STPG3: variants seen among roughly 807,000 people sequenced by gnomAD.
STPG3 encodes the protein sperm-tail PG-rich repeat containing 3.
Under a neutral mutation model 32.5 loss-of-function variants are expected in STPG3, and 39 were observed. That is an observed-to-expected ratio of 1.20 (90% confidence interval 0.93 to 1.57). The LOEUF (loss-of-function observed/expected upper bound fraction) is 1.57. Ranked by LOEUF, STPG3 falls within the 40% of genes most tolerant of loss-of-function variation. STPG3 has a pLI of 0.00. For synonymous variants in STPG3, 209 were observed against 172.4 expected, an observed-to-expected ratio of 1.21 and a Z score of -1.66; for missense variants, 507 against 407.6, an observed-to-expected ratio of 1.24 and a Z score of -2.10.
At chr9:137,253,024 C>T (rs913923788) in intron 5 of STPG3, 59 bp downstream of exon 5, 32 of 1,538,964 alleles carry the variant, frequency 2.1e-5, no homozygotes, top group Non-Finnish European at 2.8e-5. Context: ...AATGTGAGGA[C>T]AAGGGTTCAG....
chr9:137,253,323 C>T lies in STPG3; in HGVS notation c.*78C>T, dbSNP rs753139810. ...CCCCCGGGGCTTTCCCAGGCCTCCC[C>T]TGGGACTTGGGGCCCCAGCCTGGCC... is the stretch of plus-strand genomic sequence containing the variant. On this transcript the variant is annotated 3_prime_UTR_variant, in exon 6 of 6. Transcript: ENST00000412566. The T allele has an allele frequency of 4.5e-6, 7 of 1,552,174 alleles. No individual in the cohort carries two copies. Among genetic ancestry groups the T allele is most frequent in the East Asian group, 2.4e-5 (1 of 41,198 alleles).
chr9:137,253,017 G>C, intron 5 of STPG3, 52 bp downstream of exon 5: 2 of 1,544,086 alleles, frequency 1.3e-6, no homozygotes, highest in Non-Finnish European at 1.8e-6. Flanking sequence ...GGTGGGCAAT[G>C]TGAGGACAAG....
Position 137,252,496 on chromosome 9 carries a change from C to T in STPG3, c.463C>T (p.Gln155Ter), listed in dbSNP as rs917080516. The change falls in exon 4 of 6, where the codon CAG becomes TAG. Residue 155 changes from glutamine (Q) to a stop codon, truncating the protein, a stop_gained. Transcript: ENST00000412566. LOFTEE classifies it high-confidence loss of function. ...LWFQSESPFT[Q>*]KADFDQEQKW... ...GTTCCAGAGCGAAAGCCCCTTCACG[C>T]AGAAAGCTGACTTCGACCAAGAGCA... 1.2e-6 allele frequency: 2 copies of T among 1,600,380 alleles called. No homozygotes were observed. Among genetic ancestry groups the T allele is most frequent in the Non-Finnish European group, 1.7e-6 (2 of 1,175,652 alleles).
rs776988490 is a variant in STPG3 at position 137,251,885 on chromosome 9, G to C, written c.258G>C (p.Leu86=). 2.5e-6 allele frequency: 4 copies of C among 1,607,920 alleles called. No individual in the cohort carries two copies. The highest frequency in any genetic ancestry group is 1.7e-5 in the Admixed American group (1 of 59,186). The change falls in exon 2 of 6, where the codon CTG becomes CTC. Residue 86 remains leucine (L), a synonymous_variant. Coordinates refer to ENST00000412566, the MANE Select transcript of STPG3 (RefSeq NM_001004353.4). ...CCCTGCCCACCTACACCCAGACCCT[G>C]AGGGAACTATGTGAGTGAGGGTCCT... The part of the protein sequence containing the change: ...QESLPTYTQT[L]RELLLEQRPL...
rs752952394 is a variant in STPG3 at position 137,252,980 on chromosome 9, A to T, written c.796+15A>T. 1.9e-6 allele frequency: 3 copies of T among 1,584,146 alleles called. No individual in the cohort carries two copies. In the South Asian group the frequency reaches 3.4e-5, roughly 18 times the overall value. On this transcript the variant is annotated intron_variant, in intron 5 of 5. Coordinates refer to ENST00000412566, the MANE Select transcript of STPG3 (RefSeq NM_001004353.4). The stretch of plus-strand genomic sequence containing the variant: ...GCTCAGCACCTGTAAGGAGGCCTGG[A>T]GAGAAGAGGGCTAGGGATGGGGCAT...
chr9:137,251,441 G>A lies in STPG3; in HGVS notation c.110+45G>A, dbSNP rs771756380. On this transcript the variant is annotated intron_variant, in intron 1 of 5. Transcript: ENST00000412566. ...AGAAGGGGCGGGCCAGCTGGGAGTG[G>A]CCAGGGGGCTGAGGGACAGTGTGGG... is the stretch of plus-strand genomic sequence containing the variant. 15 of 1,451,012 alleles carry A rather than the reference G, an allele frequency of 1.0e-5. No homozygotes were observed. The East Asian group carries it at 2.9e-4, about 29-fold the overall frequency. The allele number at this position is 1,451,012 out of a possible 1,614,324, so 89.9% of individuals were successfully genotyped here. A position where few individuals can be genotyped will look rare whatever the true frequency, so the allele number is the denominator to read the frequency against.
chr9:137,253,283 G>A lies in STPG3; in HGVS notation c.*38G>A. On this transcript the variant is annotated 3_prime_UTR_variant, in exon 6 of 6. Transcript: ENST00000412566. ...ACAACCTGCTTGGCCCGGCCACCGA[G>A]TGGAACCATGGCCTCCCCCGGGGCT... 6.3e-7 allele frequency: 1 copy of A among 1,583,552 alleles called. No individual in the cohort carries two copies. The highest frequency in any genetic ancestry group is 8.6e-7 in the Non-Finnish European group (1 of 1,165,862).
At chr9:137,252,165 C>T (rs780404409) in intron 3 of STPG3, 30 bp downstream of exon 3, 1 of 1,587,018 alleles carries the variant, frequency 6.3e-7, no homozygotes, top group East Asian at 2.2e-5. Context: ...GGCCCAACCA[C>T]CGGGCCTGTC....
Position 137,252,477 on chromosome 9 carries a change from G to A in STPG3, c.444G>A (p.Gln148=). The A allele has an allele frequency of 6.2e-7, 1 of 1,610,956 alleles. No individual in the cohort carries two copies. Among genetic ancestry groups the A allele is most frequent in the Non-Finnish European group, 8.5e-7 (1 of 1,178,828 alleles). The change falls in exon 4 of 6, where the codon CAG becomes CAA. Residue 148 remains glutamine (Q), a synonymous_variant. Transcript: ENST00000412566. ...GRRAWQTLWF[Q]SESPFTQKAD... is the part of the protein sequence containing the mutation. The stretch of plus-strand genomic sequence containing the variant: ...GGGCATGGCAGACTTTGTGGTTCCA[G>A]AGCGAAAGCCCCTTCACGCAGAAAG...
Position 137,252,054 on chromosome 9 carries a change from A to T in STPG3, c.322A>T (p.Arg108Trp). The change falls in exon 3 of 6, where the codon AGG becomes TGG. Residue 108 changes from arginine to tryptophan, a missense_variant. Transcript: ENST00000412566. ...TGACCTGGAAGTCCCCAGCCCCACC[A>T]GGTACCAGGTGCCGAGCCCGTCCGT... ...TADLEVPSPT[R>W]YQVPSPSVRE... 7 of 1,612,986 alleles carry T rather than the reference A, an allele frequency of 4.3e-6. No individual in the cohort carries two copies. Among genetic ancestry groups the T allele is most frequent in the Non-Finnish European group, 5.9e-6 (7 of 1,179,718 alleles).
At chr9:137,252,229 A>G in intron 3 of STPG3, 94 bp downstream of exon 3, 2 of 1,506,122 alleles carry the variant, frequency 1.3e-6, no homozygotes, top group Non-Finnish European at 1.8e-6. Context: ...CCACGGCCTG[A>G]GGGCCCCTCC....
In STPG3 at chr9:137,252,736, C is replaced by G. The variant is rs749365342; in HGVS notation, c.567C>G (p.Ser189=). ...CCTTCAGCTTCAGAGGCTGCCACTCCGCTTCCAAGACACCTGAAGGCCACA... is the reference window on the plus strand; with the variant it reads ...CCTTCAGCTTCAGAGGCTGCCACTCGGCTTCCAAGACACCTGAAGGCCACA... The part of the protein sequence containing the change: ...FPAFSFRGCH[S]ASKTPEGHTH... The change falls in exon 5 of 6, where the codon TCC becomes TCG. Residue 189 remains serine (S), a synonymous_variant. Coordinates refer to ENST00000412566, the MANE Select transcript of STPG3 (RefSeq NM_001004353.4). 13 of 1,555,316 alleles carry G rather than the reference C, an allele frequency of 8.4e-6. No homozygotes were observed. The Admixed American group carries it at 2.3e-4, about 28-fold the overall frequency.
intron 2 of STPG3, 46 bp from the exon 3 acceptor site, chr9:137,251,955 G>T (rs1356465304): frequency 6.3e-7 from 1 of 1,597,000 alleles, no homozygotes; most frequent in African/African-American, 1.3e-5. Context: ...TGTGGGAGGG[G>T]CCCGCTGAAA....
chr9:137,252,452 G>C lies in STPG3; in HGVS notation c.419G>C (p.Arg140Thr). 6.2e-7 allele frequency: 1 copy of C among 1,611,052 alleles called. No individual in the cohort carries two copies. The highest frequency in any genetic ancestry group is 8.5e-7 in the Non-Finnish European group (1 of 1,178,810). Residue 140 changes from arginine (R) to threonine (T), a missense_variant, in exon 4 of 6, where the codon AGG becomes ACG. By Grantham distance (71) the Arg-to-Thr change is moderately conservative (BLOSUM62 -1). Coordinates refer to ENST00000412566, the MANE Select transcript of STPG3 (RefSeq NM_001004353.4). Reference sequence around the variant, plus strand: ...CCAACTACAGAGGGCGGTGGCCGCAGGGCATGGCAGACTTTGTGGTTCCAG... The same window carrying C: ...CCAACTACAGAGGGCGGTGGCCGCACGGCATGGCAGACTTTGTGGTTCCAG... ...KHQGREGGGR[R>T]AWQTLWFQSE...
intron 2 of STPG3, 34 bp downstream of exon 2, chr9:137,251,929 C>A (rs781070039): frequency 5.6e-6 from 9 of 1,599,046 alleles, no homozygotes; most frequent in Non-Finnish European, 6.8e-6. Context: ...CACCCCCAAG[C>A]TGGTCTTTGG....
rs1287579364 is a variant in STPG3, at chr9:137,252,701, G to A, written c.532G>A (p.Ala178Thr). ...PAHYQLLSRP[A>T]FPAFSFRGCH... The stretch of plus-strand genomic sequence containing the variant: ...CCACTACCAGCTGCTCAGCCGGCCC[G>A]CCTTCCCCGCCTTCAGCTTCAGAGG... Residue 178 changes from alanine to threonine, a missense_variant, in exon 5 of 6, where the codon GCC becomes ACC. Transcript: ENST00000412566. 2 of 1,551,780 alleles carry A rather than the reference G, an allele frequency of 1.3e-6. No homozygotes were observed. The highest frequency in any genetic ancestry group is 8.7e-7 in the Non-Finnish European group (1 of 1,147,992).
chr9:137,253,385 C>A lies in STPG3; in HGVS notation c.*140C>A. ...TGGGCACCCCGATGCACCCTTCTGG[C>A]TGGCCAACCCTTCTATGGGCTGTGG... On this transcript the variant is annotated 3_prime_UTR_variant, in exon 6 of 6. Coordinates refer to ENST00000412566, the MANE Select transcript of STPG3 (RefSeq NM_001004353.4). 6.6e-7 allele frequency: 1 copy of A among 1,509,750 alleles called. No individual in the cohort carries two copies. The highest frequency in any genetic ancestry group is 2.1e-5 in the Admixed American group (1 of 47,874). The allele number at this position is 1,509,750 out of a possible 1,614,324, so 93.5% of individuals were successfully genotyped here.
rs1388567610 is a variant in STPG3 at position 137,252,693 on chromosome 9, GC to G, written c.526del (p.Arg176GlyfsTer25). 1 of 1,550,914 alleles carries G rather than the reference GC, an allele frequency of 6.4e-7. No individual in the cohort carries two copies. The highest frequency in any genetic ancestry group is 2.0e-5 in the Admixed American group (1 of 51,260). ...TCGCCAGCCCACTACCAGCTGCTCA[GC>G]CGGCCCGCCTTCCCCGCCTTCAGCT... The part of the protein sequence containing the change: ...WPSPAHYQLL[S>X]RPAFPAFSFR... On this transcript the variant is annotated frameshift_variant, in exon 5 of 6. Coordinates refer to ENST00000412566, the MANE Select transcript of STPG3 (RefSeq NM_001004353.4). LOFTEE classifies it high-confidence loss of function.
intron 3 of STPG3, 139 bp from the exon 4 acceptor site, chr9:137,252,298 G>A (rs1362566415): frequency 7.6e-7 from 1 of 1,321,882 alleles, no homozygotes; most frequent in South Asian, 1.4e-5. Flanking sequence ...GAGAGAGGAG[G>A]GCTAGGGCTG....
Sources: allele counts gnomAD v4.1 joint callset, GRCh38; gene constraint gnomAD v4.1.1; transcripts MANE v1.5; gene names NCBI Gene and HGNC (gene_info 2026-07-23, HGNC 2026-07-21).